GALNT17: variants seen among roughly 807,000 people sequenced by gnomAD.
GALNT17 encodes polypeptide N-acetylgalactosaminyltransferase 17, also known as UDP-GalNAc:polypeptide N-acetylgalactosaminyltransferase-like 3.
A neutral mutation model predicts 63.7 loss-of-function variants in GALNT17; 29 were observed. The ratio of observed to expected loss-of-function variants is 0.46; its 90% CI spans 0.34 to 0.62. GALNT17 has a LOEUF of 0.62. Among genes scored for constraint, GALNT17 ranks in the 20% least tolerant of loss-of-function variants. GALNT17 has a pLI of 0.01. For missense variants in GALNT17, 603 were observed against 799.6 expected, an observed-to-expected ratio of 0.75 and a Z score of 2.97; for synonymous variants, 305 against 318.3, an observed-to-expected ratio of 0.96 and a Z score of 0.45.
intron 5 of GALNT17, among the ~76,000 whole-genome samples, chr7:71,552,008 CTTTTTATTTATT>C (rs1262055093): frequency 2.2e-5 from 2 of 92,542 alleles, no homozygotes; most frequent in East Asian, 2.8e-4. Context: ...TCAGGTTGCT[CTTTTTATTTATT>C]TATTTATTTA....
chr7:71,667,516 G>A (rs1238200623), intron 7 of GALNT17, among the ~76,000 whole-genome samples: 1 of 151,998 alleles, frequency 6.6e-6, no homozygotes, highest in Admixed American at 6.6e-5. Flanking sequence ...CTATAAACAT[G>A]GATTATTAAA....
intron 5 of GALNT17, among the ~76,000 whole-genome samples, chr7:71,555,197 C>G (rs2116840637): frequency 6.6e-6 from 1 of 151,510 alleles, no homozygotes; most frequent in East Asian, 1.9e-4. Context: ...CCATCAGGCC[C>G]CACCCACAAC....
chr7:71,435,308 A>T (rs1398371845), intron 5 of GALNT17, among the ~76,000 whole-genome samples: 4 of 152,232 alleles, frequency 2.6e-5, no homozygotes, highest in Non-Finnish European at 5.9e-5. Context: ...CTTCTGGGTC[A>T]TAGGCTGAAT....
intron 5 of GALNT17, among the ~76,000 whole-genome samples, chr7:71,549,019 A>G (rs1789031776): frequency 6.6e-6 from 1 of 152,188 alleles, no homozygotes; most frequent in Admixed American, 6.5e-5. Context: ...GGTTATGGAT[A>G]GGAATGCCCC....
chr7:71,467,124 G>A (rs1787549083), intron 5 of GALNT17, among the ~76,000 whole-genome samples: 1 of 152,152 alleles, frequency 6.6e-6, no homozygotes, highest in Non-Finnish European at 1.5e-5. Context: ...TTATCTCAAG[G>A]TTGCTTAGTA....
chr7:71,549,773 G>A (rs369085881), intron 5 of GALNT17, among the ~76,000 whole-genome samples: 3 of 152,030 alleles, frequency 2.0e-5, no homozygotes, highest in East Asian at 3.9e-4. Flanking sequence ...AAGAATTTTG[G>A]AGGAAAAAGA....
intron 2 of GALNT17, among the ~76,000 whole-genome samples, chr7:71,373,987 G>A (rs1792675704): frequency 6.6e-6 from 1 of 151,988 alleles, no homozygotes; most frequent in East Asian, 1.9e-4. Context: ...ATTCTTTCAG[G>A]TGCAATGTTG....
chr7:71,413,837 G>T, intron 3 of GALNT17, among the ~76,000 whole-genome samples: 1 of 151,914 alleles, frequency 6.6e-6, no homozygotes, highest in Non-Finnish European at 1.5e-5. Flanking sequence ...ATCATTGGAG[G>T]TGGCATCTAC....
At chr7:71,217,684 G>A (rs571924848) in intron 1 of GALNT17, among the ~76,000 whole-genome samples, 26 of 152,220 alleles carry the variant, frequency 1.7e-4, no homozygotes, top group Middle Eastern at 3.4e-3. Flanking sequence ...CCAGCACTTT[G>A]GGAGGCTGAG....
At chr7:71,545,652 T>C (rs192652753) in intron 5 of GALNT17, among the ~76,000 whole-genome samples, 1 of 152,294 alleles carries the variant, frequency 6.6e-6, no homozygotes, top group Admixed American at 6.5e-5. Context: ...ACAGCCAGCC[T>C]GATTTTTACT....
intron 2 of GALNT17, among the ~76,000 whole-genome samples, chr7:71,356,461 TC>T (rs2116208079): frequency 6.6e-6 from 1 of 152,252 alleles, no homozygotes; most frequent in Admixed American, 6.5e-5. Flanking sequence ...TTGCTGAGGT[TC>T]TGTCAAAGGC....
intron 2 of GALNT17, among the ~76,000 whole-genome samples, chr7:71,351,024 C>G (rs1381503947): frequency 6.6e-6 from 1 of 152,154 alleles, no homozygotes; most frequent in Non-Finnish European, 1.5e-5. Context: ...ACCTGTAGTT[C>G]CAGCTACTCA....
chr7:71,226,447 G>T (rs935339451), intron 1 of GALNT17, among the ~76,000 whole-genome samples: 2 of 152,068 alleles, frequency 1.3e-5, no homozygotes, highest in African/African-American at 4.8e-5. Context: ...CGTGGTCTAG[G>T]CCAACTCAGT....
At chr7:71,646,134 G>A (rs11975523) in intron 6 of GALNT17, among the ~76,000 whole-genome samples, 8,975 of 152,210 alleles carry the variant, frequency 0.059, 871 homozygotes, top group African/African-American at 0.2. Flanking sequence ...TCGTGGAACA[G>A]AGAACAGCAT....
intron 5 of GALNT17, among the ~76,000 whole-genome samples, chr7:71,544,895 C>A (rs1161961692): frequency 2.6e-5 from 4 of 151,080 alleles, no homozygotes; most frequent in African/African-American, 4.9e-5. Context: ...AATACCTGCA[C>A]CCCCATCACA....
intron 6 of GALNT17, among the ~76,000 whole-genome samples, chr7:71,651,612 AT>A (rs1238404470): frequency 6.6e-6 from 1 of 152,114 alleles, no homozygotes; most frequent in Non-Finnish European, 1.5e-5. Context: ...CTTTTAGCCA[AT>A]TTTCTAACAT....
intron 3 of GALNT17, among the ~76,000 whole-genome samples, chr7:71,406,561 G>A (rs1475690431): frequency 6.6e-6 from 1 of 152,024 alleles, no homozygotes; most frequent in African/African-American, 2.4e-5. Flanking sequence ...ATGCAACCGA[G>A]TTTCTCCCCG....
chr7:71,518,603 G>GT (rs1194737798), intron 5 of GALNT17, among the ~76,000 whole-genome samples: 4 of 152,204 alleles, frequency 2.6e-5, no homozygotes, highest in African/African-American at 9.6e-5. Flanking sequence ...CACTTAGTGA[G>GT]TCACTAGGAA....
At chr7:71,655,042 A>G (rs1790808786) in intron 6 of GALNT17, among the ~76,000 whole-genome samples, 1 of 152,068 alleles carries the variant, frequency 6.6e-6, no homozygotes, top group Non-Finnish European at 1.5e-5. Flanking sequence ...CGCCCACCTC[A>G]GCCCCCGAAA....
Sources: allele counts gnomAD v4.1 joint callset (sites outside exome capture counted in the v4.1 genomes callset), GRCh38; gene constraint gnomAD v4.1.1; transcripts MANE v1.5; gene names NCBI Gene and HGNC (gene_info 2026-07-23, HGNC 2026-07-21).